The following ROBO1 variants were observed in gnomAD, a reference collection of about 807,000 sequenced individuals.
The protein encoded by ROBO1 is roundabout homolog 1.
A neutral mutation model predicts 195.9 loss-of-function variants in ROBO1; 149 were observed. The observed-to-expected ratio is 0.76, with a 90% confidence interval of 0.67 to 0.87. The LOEUF (loss-of-function observed/expected upper bound fraction) is 0.87. ROBO1 is among the 40% of genes least tolerant of loss of function. The pLI is 0.00. For missense variants in ROBO1, 1,933 were observed against 2,068.3 expected, an observed-to-expected ratio of 0.93 and a Z score of 1.27; for synonymous variants, 816 against 733.2, an observed-to-expected ratio of 1.11 and a Z score of -1.82.
chr3:79,745,013 A>G (rs1420588596), intron 1 of ROBO1, among the ~76,000 whole-genome samples: 1 of 152,088 alleles, frequency 6.6e-6, no homozygotes. Context: ...GATTATTCCT[A>G]TTCAAACCTT....
chr3:79,195,940 A>T (rs921255663), intron 2 of ROBO1, among the ~76,000 whole-genome samples: 10 of 151,606 alleles, frequency 6.6e-5, no homozygotes, highest in African/African-American at 2.4e-4. Context: ...CATCTCTAGA[A>T]TATTAAACAG....
chr3:79,765,216 G>A (rs1166896847), intron 1 of ROBO1, among the ~76,000 whole-genome samples: 1 of 152,192 alleles, frequency 6.6e-6, no homozygotes, highest in Non-Finnish European at 1.5e-5. Context: ...AGATATGTGC[G>A]AAAAGGCTAA....
intron 1 of ROBO1, among the ~76,000 whole-genome samples, chr3:79,762,844 G>T (rs998980653): frequency 1.3e-5 from 2 of 152,168 alleles, no homozygotes; most frequent in Non-Finnish European, 2.9e-5. Context: ...ATCCCAGGAA[G>T]TGGAAGTAAG....
chr3:79,531,874 T>A (rs960376925), intron 2 of ROBO1, among the ~76,000 whole-genome samples: 6 of 152,092 alleles, frequency 3.9e-5, no homozygotes, highest in Non-Finnish European at 7.4e-5. Context: ...AAAGCATAAA[T>A]CAAAATTATT....
At chr3:78,660,339 C>T (rs2107663340) in intron 16 of ROBO1, 1 of 152,966 alleles carries the variant, frequency 6.5e-6, no homozygotes, top group East Asian at 1.9e-4. Context: ...AGTTAAATAC[C>T]TTGTTTCCAC....
intron 4 of ROBO1, among the ~76,000 whole-genome samples, chr3:78,756,197 G>A (rs1236800698): frequency 6.6e-6 from 1 of 151,828 alleles, no homozygotes; most frequent in African/African-American, 2.4e-5. Context: ...CCAAATTATG[G>A]TAAAAACAAA....
At chr3:79,487,175 G>A (rs966906090) in intron 2 of ROBO1, among the ~76,000 whole-genome samples, 1 of 994 alleles carries the variant, frequency 1.0e-3, no homozygotes, top group South Asian at 0.031. Flanking sequence ...TACATAAAAT[G>A]TATAAGAAGT....
At chr3:78,766,865 A>G (rs1221501879) in intron 4 of ROBO1, among the ~76,000 whole-genome samples, 4 of 152,154 alleles carry the variant, frequency 2.6e-5, no homozygotes, top group African/African-American at 9.7e-5. Flanking sequence ...TTCTGCATCT[A>G]TTGAGATGAT....
intron 2 of ROBO1, among the ~76,000 whole-genome samples, chr3:79,516,477 C>T (rs1016758720): frequency 2.0e-5 from 3 of 152,168 alleles, no homozygotes; most frequent in Admixed American, 6.6e-5. Context: ...CCCCAATTTT[C>T]ACACAATCCT....
rs748984685 is a variant in ROBO1, at chr3:78,614,808, GA to G, written c.4283-9del. On this transcript the variant is annotated splice_polypyrimidine_tract_variant and intron_variant, in intron 27 of 30. Coordinates refer to ENST00000464233, the MANE Select transcript of ROBO1 (RefSeq NM_002941.4). ...CATGAAAATGTCGACGGCCTAAGGAGAAAAAAAAAAAAAATCCAAGCCAAAC... is the reference window on the plus strand; with the variant it reads ...CATGAAAATGTCGACGGCCTAAGGAGAAAAAAAAAAAAATCCAAGCCAAAC... The G allele has an allele frequency of 0.13, 118,515 of 935,554 alleles. 214 individuals are homozygous for G. The highest frequency in any genetic ancestry group is 0.17 in the East Asian group (4,266 of 25,658). The allele number at this position is 935,554 out of a possible 1,614,324, so 58.0% of individuals were successfully genotyped here.
Position 79,654,636 on chromosome 3 carries a change from A to T in ROBO1, c.-50-64675T>A, listed in dbSNP as rs138801957. Among the ~76,000 whole-genome samples the T allele has an allele frequency of 5.3e-3, 802 of 152,128 alleles. 3 individuals are homozygous for T. Among genetic ancestry groups the T allele is most frequent in the African/African-American group, 0.018 (764 of 41,548 alleles). On this transcript the variant is annotated intron_variant, in intron 1 of 30. Transcript: ENST00000464233. Reference sequence around the variant, plus strand: ...TTTAAAAGATGCATTTAATATAAAAATTTGCACATTTACACATTTTCAGAC... The same window carrying T: ...TTTAAAAGATGCATTTAATATAAAATTTTGCACATTTACACATTTTCAGAC...
At position 78,788,206 on chromosome 3, in the gene ROBO1, C is replaced by T. The variant is rs184159021; in HGVS notation, c.500-41306G>A. 7.5e-3 allele frequency among the ~76,000 whole-genome samples: 1,142 copies of T among 151,594 alleles called. 29 individuals are homozygous for T. Among genetic ancestry groups the T allele is most frequent in the East Asian group, 0.056 (286 of 5,114 alleles). On this transcript the variant is annotated intron_variant, in intron 4 of 30. Transcript: ENST00000464233. ...TCTTAGCTCACTGCAAGCTCCGCCT[C>T]CTGGGTTCACGCCATTCTCCTGCCT...
chr3:78,961,361 C>A (rs1447057311), intron 3 of ROBO1, among the ~76,000 whole-genome samples: 1 of 152,174 alleles, frequency 6.6e-6, no homozygotes, highest in Non-Finnish European at 1.5e-5. Context: ...AATGCTTGTT[C>A]TGACTTAGTT....
At chr3:78,909,576 T>A (rs780433287) in intron 4 of ROBO1, among the ~76,000 whole-genome samples, 1 of 151,912 alleles carries the variant, frequency 6.6e-6, no homozygotes, top group African/African-American at 2.4e-5. Flanking sequence ...CTGATTATAA[T>A]TTGATTTCCT....
At chr3:79,029,882 A>G (rs1386978918) in intron 3 of ROBO1, among the ~76,000 whole-genome samples, 1 of 152,194 alleles carries the variant, frequency 6.6e-6, no homozygotes, top group East Asian at 1.9e-4. Context: ...GTAAAAATAT[A>G]TCTCTTAAGC....
chr3:79,567,167 TCA>T (rs1186404079), intron 2 of ROBO1, among the ~76,000 whole-genome samples: 2 of 152,040 alleles, frequency 1.3e-5, no homozygotes, highest in Non-Finnish European at 2.9e-5. Context: ...AAACCAAATG[TCA>T]CACATTCTCA....
At chr3:78,818,754 C>A (rs918588055) in intron 4 of ROBO1, among the ~76,000 whole-genome samples, 2 of 152,146 alleles carry the variant, frequency 1.3e-5, no homozygotes, top group Non-Finnish European at 1.5e-5. Flanking sequence ...CCGGGATGGT[C>A]GTCCTGTTCA....
chr3:78,610,838 A>G (rs1575770733), intron 28 of ROBO1, among the ~76,000 whole-genome samples: 1 of 152,296 alleles, frequency 6.6e-6, no homozygotes, highest in Non-Finnish European at 1.5e-5. Flanking sequence ...GATTTCTTAT[A>G]TAAACAGATT....
chr3:78,623,093 G>A (rs1704552127), intron 26 of ROBO1, among the ~76,000 whole-genome samples: 3 of 152,146 alleles, frequency 2.0e-5, no homozygotes, highest in South Asian at 4.1e-4. Flanking sequence ...ACAGGAACTC[G>A]GGCACTATGT....
Sources: allele counts gnomAD v4.1 joint callset (sites outside exome capture counted in the v4.1 genomes callset), GRCh38; gene constraint gnomAD v4.1.1; transcripts MANE v1.5; gene names NCBI Gene and HGNC (gene_info 2026-07-23, HGNC 2026-07-21).